Variants in BICC1 observed in about 807,000 individuals in gnomAD.
BICC1 encodes the protein BicC family RNA binding protein 1.
Under a neutral mutation model 111.0 loss-of-function variants are expected in BICC1, and 43 were observed. That is an observed-to-expected ratio of 0.39 (90% CI 0.30 to 0.50). BICC1 has a LOEUF of 0.50. Ranked by LOEUF, BICC1 falls within the 20% of genes least tolerant of loss-of-function variation. The pLI is 0.88. For missense variants in BICC1, 1,091 were observed against 1,203.2 expected (o/e 0.91, Z 1.38); for synonymous variants, 467 against 434.4 (o/e 1.07, Z -0.93).
intron 2 of BICC1, among the ~76,000 whole-genome samples, chr10:58,651,019 C>T (rs781122634): frequency 1.3e-5 from 2 of 151,992 alleles, no homozygotes; most frequent in Non-Finnish European, 2.9e-5. Context: ...TACTGGGCTC[C>T]CTCCTCACCC....
intron 2 of BICC1, among the ~76,000 whole-genome samples, chr10:58,698,314 C>T (rs1039509308): frequency 1.3e-5 from 2 of 152,156 alleles, no homozygotes; most frequent in Non-Finnish European, 1.5e-5. Flanking sequence ...TGAAGCCCTT[C>T]GGCTGCACTG....
chr10:58,758,490 T>C (rs1337334874), intron 3 of BICC1, among the ~76,000 whole-genome samples: 1 of 152,220 alleles, frequency 6.6e-6, no homozygotes. Context: ...ATAGTTCATC[T>C]AGTTTTTCTC....
At chr10:58,601,173 T>TATA (rs752405472) in intron 1 of BICC1, among the ~76,000 whole-genome samples, 1 of 131,088 alleles carries the variant, frequency 7.6e-6, no homozygotes, top group African/African-American at 2.8e-5. Context: ...TATATATATC[T>TATA]CCCAATAAAA....
At chr10:58,770,282 C>T (rs1488537582) in intron 3 of BICC1, among the ~76,000 whole-genome samples, 1 of 152,024 alleles carries the variant, frequency 6.6e-6, no homozygotes, top group African/African-American at 2.4e-5. Context: ...TCTAGTCTGA[C>T]ATTTTTTCTT....
chr10:58,569,278 A>G (rs929778652), intron 1 of BICC1, among the ~76,000 whole-genome samples: 1 of 152,172 alleles, frequency 6.6e-6, no homozygotes, highest in Non-Finnish European at 1.5e-5. Context: ...AAGTTCTTCA[A>G]TCTCAAACCT....
intron 1 of BICC1, among the ~76,000 whole-genome samples, chr10:58,544,836 T>A (rs1183047971): frequency 6.6e-6 from 1 of 152,162 alleles, no homozygotes; most frequent in Non-Finnish European, 1.5e-5. Context: ...GATAGGGCTT[T>A]TGCGGCGGTA....
intron 1 of BICC1, among the ~76,000 whole-genome samples, chr10:58,537,383 G>A (rs1030921443): frequency 3.3e-5 from 5 of 150,294 alleles, no homozygotes; most frequent in South Asian, 2.1e-4. Context: ...GTTTTATTCC[G>A]ACTTTTTCTT....
At chr10:58,646,467 TA>T (rs1043232193) in intron 2 of BICC1, among the ~76,000 whole-genome samples, 5 of 152,184 alleles carry the variant, frequency 3.3e-5, no homozygotes, top group Non-Finnish European at 7.3e-5. Flanking sequence ...ATATATTCTT[TA>T]AAAAAGGTTT....
At position 58,830,300 on chromosome 10, in the gene BICC1, A is replaced by T. The variant is rs537762800; in HGVS notation, c.*1409A>T. 16 of 152,266 alleles carry T rather than the reference A, an allele frequency of 1.1e-4. No individual in the cohort carries two copies. Among genetic ancestry groups the T allele is most frequent in the African/African-American group, 3.1e-4 (13 of 41,570 alleles). The allele number at this position is 152,266 out of a possible 1,614,324, so 9.4% of individuals were successfully genotyped here. On this transcript the variant is annotated 3_prime_UTR_variant, in exon 21 of 21. Coordinates refer to ENST00000373886, the MANE Select transcript of BICC1 (RefSeq NM_001080512.3). ...TTTTTAATCCATGAAGAAACACTAA[A>T]GTGCCTTTCTTTCTTCAAAGCAATA...
intron 2 of BICC1, among the ~76,000 whole-genome samples, chr10:58,627,399 ATTATT>A (rs2132161259): frequency 6.6e-6 from 1 of 152,338 alleles, no homozygotes; most frequent in Non-Finnish European, 1.5e-5. Flanking sequence ...AGGTTTGTAT[ATTATT>A]TTGTAAAGTG....
intron 2 of BICC1, among the ~76,000 whole-genome samples, chr10:58,695,831 TAA>T (rs529699464): frequency 2.5e-4 from 38 of 152,338 alleles, no homozygotes; most frequent in Admixed American, 2.4e-3. Flanking sequence ...GGAGATGAGA[TAA>T]ATCTATTATG....
At chr10:58,621,823 G>A (rs144715091) in intron 2 of BICC1, among the ~76,000 whole-genome samples, 343 of 151,898 alleles carry the variant, frequency 2.3e-3, no homozygotes, top group African/African-American at 5.5e-3. Context: ...ACTTGAACCC[G>A]GAAGACAGAG....
intron 6 of BICC1, among the ~76,000 whole-genome samples, chr10:58,788,896 G>A (rs994757938): frequency 6.6e-6 from 1 of 152,076 alleles, no homozygotes; most frequent in African/African-American, 2.4e-5. Context: ...GACCAGCCTG[G>A]ACAACATAGC....
rs1480517042 is a variant in BICC1 at position 58,799,087 on chromosome 10, A to G, written c.1560A>G (p.Pro520=). 1 of 1,612,414 alleles carries G rather than the reference A, an allele frequency of 6.2e-7. No individual in the cohort carries two copies. The highest frequency in any genetic ancestry group is 8.5e-7 in the Non-Finnish European group (1 of 1,178,988). Residue 520 remains proline (P), a synonymous_variant, in exon 12 of 21, where the codon CCA becomes CCG. Transcript: ENST00000373886. ...CTGCTATACCACACCTTATGATTCC[A>G]TCTACTGCCCAAGCCACATTAACTA... ...GFSAIPHLMI[P]STAQATLTNI...
chr10:58,575,370 T>C (rs1345736265), intron 1 of BICC1, among the ~76,000 whole-genome samples: 2 of 152,048 alleles, frequency 1.3e-5, no homozygotes, highest in Non-Finnish European at 2.9e-5. Context: ...CTACCACCCA[T>C]TGTGTTATTT....
intron 1 of BICC1, among the ~76,000 whole-genome samples, chr10:58,599,538 A>G (rs752509690): frequency 1.3e-5 from 2 of 152,164 alleles, no homozygotes; most frequent in Non-Finnish European, 2.9e-5. Context: ...ATTAGGAGAA[A>G]TACCTAATGT....
Position 58,806,898 on chromosome 10 carries a change from AG to A in BICC1, c.2222-105del, listed in dbSNP as rs1367429008. ...CATTTTGTGTTAAGAAATAACATTCAGTGATAATTTCTTCACATATATCAAA... is the reference window on the plus strand; with the variant it reads ...CATTTTGTGTTAAGAAATAACATTCATGATAATTTCTTCACATATATCAAA... On this transcript the variant is annotated intron_variant, in intron 16 of 20. Coordinates refer to ENST00000373886, the MANE Select transcript of BICC1 (RefSeq NM_001080512.3). 8 of 978,402 alleles carry A rather than the reference AG, an allele frequency of 8.2e-6. No individual in the cohort carries two copies. In the African/African-American group the frequency reaches 1.2e-4, roughly 14 times the overall value. 60.6% of individuals were successfully genotyped at this position (978,402 alleles called of 1,614,324 possible).
intron 1 of BICC1, among the ~76,000 whole-genome samples, chr10:58,538,092 A>T (rs1172401283): frequency 2.0e-5 from 3 of 151,770 alleles, no homozygotes; most frequent in Admixed American, 6.6e-5. Flanking sequence ...AATAACCAAC[A>T]TCGTTTTTTC....
At chr10:58,532,164 A>G (rs1205081324) in intron 1 of BICC1, among the ~76,000 whole-genome samples, 7 of 151,872 alleles carry the variant, frequency 4.6e-5, no homozygotes, top group Admixed American at 4.6e-4. Context: ...CTTAAGGGCA[A>G]CAGGAGAAAG....
Sources: allele counts gnomAD v4.1 joint callset (sites outside exome capture counted in the v4.1 genomes callset), GRCh38; gene constraint gnomAD v4.1.1; transcripts MANE v1.5; gene names NCBI Gene and HGNC (gene_info 2026-07-23, HGNC 2026-07-21).